The following PSME4 variants were observed in gnomAD, a reference collection of about 807,000 sequenced individuals.
The protein encoded by PSME4 is proteasome activator complex subunit 4.
In PSME4, 89 loss-of-function variants were observed where a neutral mutation model predicts 253.9. The ratio of observed to expected loss-of-function variants is 0.35; its 90% confidence interval spans 0.30 to 0.42. The LOEUF is 0.42. Ranked by LOEUF, PSME4 falls within the 10% of genes least tolerant of loss-of-function variation. The probability of loss-of-function intolerance (pLI) is 1.00; values close to 1 mark genes in which losing one functional copy is unlikely to be tolerated. For missense variants in PSME4, 2,014 were observed against 2,195.2 expected, an observed-to-expected ratio of 0.92 and a Z score of 1.65; for synonymous variants, 851 against 759.2, an observed-to-expected ratio of 1.12 and a Z score of -1.99.
At chr2:53,912,825 A>G (rs906927505) in intron 20 of PSME4, among the ~76,000 whole-genome samples, 5 of 152,190 alleles carry the variant, frequency 3.3e-5, no homozygotes, top group Non-Finnish European at 7.3e-5. Flanking sequence ...CCCAAGTAAA[A>G]TATCATGACT....
intron 3 of PSME4, among the ~76,000 whole-genome samples, chr2:53,946,765 T>G (rs1410000687): frequency 1.3e-5 from 2 of 151,994 alleles, no homozygotes; most frequent in African/African-American, 4.8e-5. Flanking sequence ...ATTTTAAAAA[T>G]TAGCCAGGCA....
At chr2:53,951,200 A>G (rs1437131306) in intron 1 of PSME4, among the ~76,000 whole-genome samples, 1 of 152,088 alleles carries the variant, frequency 6.6e-6, no homozygotes, top group East Asian at 1.9e-4. Flanking sequence ...CTCCTGCCTC[A>G]GCCTCCCCAG....
At chr2:53,883,363 G>A (rs1679483809) in intron 41 of PSME4, among the ~76,000 whole-genome samples, 1 of 152,192 alleles carries the variant, frequency 6.6e-6, no homozygotes, top group Non-Finnish European at 1.5e-5. Flanking sequence ...AGCCAGGCAT[G>A]GTGATGCATG....
chr2:53,970,936 G>C lies in PSME4; in HGVS notation c.-152C>G. ...GATCGCTAGGCCCCCTTCCCTGGCC[G>C]GCGTGCTGCTGGGCCCCACGCGGCT... On this transcript the variant is annotated 5_prime_UTR_variant, in exon 1 of 47. Transcript: ENST00000404125. 1 of 603,972 alleles carries C rather than the reference G, an allele frequency of 1.7e-6. No homozygotes were observed. Among genetic ancestry groups the C allele is most frequent in the Non-Finnish European group, 2.6e-6 (1 of 381,896 alleles). The allele number at this position is 603,972 out of a possible 1,614,324, so 37.4% of individuals were successfully genotyped here.
intron 11 of PSME4, 25 bp downstream of exon 11, chr2:53,928,081 CCTAAATACGGA>C (rs1558692303): frequency 1.3e-6 from 2 of 1,526,370 alleles, no homozygotes; most frequent in African/African-American, 2.7e-5. Context: ...TTGCCTCCTA[CCTAAATACGGA>C]GTGTATAATC....
At chr2:53,962,848 T>TA (rs1670550597) in intron 1 of PSME4, among the ~76,000 whole-genome samples, 1 of 151,688 alleles carries the variant, frequency 6.6e-6, no homozygotes, top group African/African-American at 2.4e-5. Flanking sequence ...CCATCTCTAT[T>TA]AAAAACAGAA....
intron 2 of PSME4, 37 bp downstream of exon 2, chr2:53,949,106 A>C: frequency 6.5e-7 from 1 of 1,529,684 alleles, no homozygotes; most frequent in Non-Finnish European, 8.8e-7. Context: ...TGAAGAAACA[A>C]ACAAACCTTA....
intron 7 of PSME4, 118 bp from the exon 8 acceptor site, chr2:53,934,845 AAG>A: frequency 1.3e-6 from 1 of 780,926 alleles, no homozygotes; most frequent in South Asian, 2.0e-5. Flanking sequence ...AAGGGTTTTT[AAG>A]TGAAATTACA....
intron 1 of PSME4, among the ~76,000 whole-genome samples, chr2:53,969,141 T>C (rs1386191224): frequency 6.6e-6 from 1 of 152,198 alleles, no homozygotes; most frequent in African/African-American, 2.4e-5. Context: ...TAACTATTTA[T>C]AAAATATTCT....
intron 43 of PSME4, among the ~76,000 whole-genome samples, chr2:53,871,749 T>C (rs1250836591): frequency 6.6e-6 from 1 of 152,012 alleles, no homozygotes; most frequent in East Asian, 1.9e-4. Flanking sequence ...GCATGGTGGC[T>C]CACGCCTGTA....
chr2:53,908,665 G>A, intron 22 of PSME4, 100 bp from the exon 23 acceptor site: 1 of 1,450,266 alleles, frequency 6.9e-7, no homozygotes, highest in South Asian at 1.3e-5. Flanking sequence ...AAAAATCACT[G>A]CCCAATATTC....
In PSME4 at chr2:53,948,443, G is replaced by A. The variant is rs1045880657; in HGVS notation, c.478C>T (p.Leu160=). The A allele has an allele frequency of 6.2e-7, 1 of 1,610,700 alleles. No homozygotes were observed. Among genetic ancestry groups the A allele is most frequent in the Non-Finnish European group, 8.5e-7 (1 of 1,177,180 alleles). Residue 160 remains leucine, a synonymous_variant, in exon 3 of 47, where the codon CTA becomes TTA. Transcript: ENST00000404125. ...ERILYSKTEH[L]GLNWFPNSVE... is the part of the protein sequence containing the mutation. ...TACTTAGGAAACCAATTTAATCCTA[G>A]GTGCTCTGTCTTGGAATATAATATT...
At chr2:53,896,908 A>C in intron 31 of PSME4, 23 bp from the exon 32 acceptor site, 1 of 1,561,088 alleles carries the variant, frequency 6.4e-7, no homozygotes, top group Non-Finnish European at 8.8e-7. Flanking sequence ...AAAGGTACAC[A>C]TTCATAAAAA....
At chr2:53,906,292 T>A (rs1393953090) in intron 26 of PSME4, among the ~76,000 whole-genome samples, 1 of 152,006 alleles carries the variant, frequency 6.6e-6, no homozygotes, top group African/African-American at 2.4e-5. Context: ...CAAATTTAAA[T>A]AAATGAGAAG....
At chr2:53,953,487 T>TAAAAAA (rs67192995) in intron 1 of PSME4, among the ~76,000 whole-genome samples, 1 of 123,034 alleles carries the variant, frequency 8.1e-6, no homozygotes, top group African/African-American at 3.0e-5. Context: ...CCATGTCTAT[T>TAAAAAA]AAAAAAAAAA....
intron 8 of PSME4, among the ~76,000 whole-genome samples, chr2:53,934,226 T>C (rs10208649): frequency 0.12 from 17,784 of 152,220 alleles, 1,697 homozygotes; most frequent in African/African-American, 0.27. Flanking sequence ...TTATGTTCAA[T>C]GCAATGTTTT....
intron 38 of PSME4, 34 bp downstream of exon 38, chr2:53,888,687 G>T: frequency 7.0e-7 from 1 of 1,433,980 alleles, no homozygotes; most frequent in Non-Finnish European, 9.8e-7. Flanking sequence ...AAAACCTTTC[G>T]TGTTAACCTC....
intron 41 of PSME4, among the ~76,000 whole-genome samples, chr2:53,884,030 A>G (rs941977125): frequency 5.9e-5 from 9 of 152,072 alleles, no homozygotes; most frequent in South Asian, 4.1e-4. Flanking sequence ...GTTTCTTTTA[A>G]ACGCCTCTCT....
chr2:53,942,395 T>C (rs1048146495), intron 3 of PSME4, among the ~76,000 whole-genome samples: 2 of 152,006 alleles, frequency 1.3e-5, no homozygotes, highest in Non-Finnish European at 2.9e-5. Flanking sequence ...AAAAGGGATC[T>C]ACAGAGTAAC....
Sources: allele counts gnomAD v4.1 joint callset (sites outside exome capture counted in the v4.1 genomes callset), GRCh38; gene constraint gnomAD v4.1.1; transcripts MANE v1.5; gene names NCBI Gene and HGNC (gene_info 2026-07-23, HGNC 2026-07-21).